Variants in UBE2G1 observed in about 807,000 individuals in gnomAD.
UBE2G1 encodes ubiquitin conjugating enzyme E2 G1, also known as ubiquitin-conjugating enzyme E2 G1.
UBE2G1 carries 5 observed loss-of-function variants against 22.7 expected under a neutral mutation model. That is an observed-to-expected ratio of 0.22 (90% CI 0.12 to 0.46). The LOEUF (loss-of-function observed/expected upper bound fraction) is 0.46, where lower values mean the gene tolerates loss of function less well. Among genes scored for constraint, UBE2G1 ranks in the 20% least tolerant of loss-of-function variants. The probability of loss-of-function intolerance (pLI) is 0.99; values close to 1 mark genes in which losing one functional copy is unlikely to be tolerated. For synonymous variants in UBE2G1, 74 were observed against 67.5 expected, an observed-to-expected ratio of 1.10 and a Z score of -0.47; for missense variants, 88 against 203.9, an observed-to-expected ratio of 0.43 and a Z score of 3.46.
At chr17:4,311,793 T>C (rs935854456) in intron 1 of UBE2G1, among the ~76,000 whole-genome samples, 1 of 152,112 alleles carries the variant, frequency 6.6e-6, no homozygotes, top group African/African-American at 2.4e-5. Flanking sequence ...TGTCAATTCC[T>C]CCCTCCCTGT....
At chr17:4,284,471 C>T (rs2086858699) in intron 4 of UBE2G1, among the ~76,000 whole-genome samples, 1 of 151,728 alleles carries the variant, frequency 6.6e-6, no homozygotes, top group Non-Finnish European at 1.5e-5. Flanking sequence ...CATGGTGGCA[C>T]GTGCCTATAA....
intron 1 of UBE2G1, among the ~76,000 whole-genome samples, chr17:4,351,507 T>A (rs1187866109): frequency 6.6e-6 from 1 of 152,184 alleles, no homozygotes; most frequent in Non-Finnish European, 1.5e-5. Context: ...GGTGTCATCC[T>A]AAGGGAGAGA....
intron 5 of UBE2G1, among the ~76,000 whole-genome samples, chr17:4,275,938 CT>C (rs1238204647): frequency 6.6e-6 from 1 of 152,176 alleles, no homozygotes; most frequent in African/African-American, 2.4e-5. Flanking sequence ...CACCAACTTC[CT>C]TTCTGAGCTC....
chr17:4,358,849 G>A (rs1205547233), intron 1 of UBE2G1, among the ~76,000 whole-genome samples: 1 of 152,112 alleles, frequency 6.6e-6, no homozygotes, highest in South Asian at 2.1e-4. Context: ...TACTCGGGAG[G>A]CTGCAGTGGG....
At chr17:4,361,896 C>G (rs984814125) in intron 1 of UBE2G1, among the ~76,000 whole-genome samples, 2 of 143,280 alleles carry the variant, frequency 1.4e-5, no homozygotes, top group Non-Finnish European at 3.0e-5. Flanking sequence ...TAGCGGAGAT[C>G]GTGCCACTGC....
intron 4 of UBE2G1, among the ~76,000 whole-genome samples, chr17:4,284,747 G>GCCA (rs1412382530): frequency 2.0e-5 from 3 of 150,870 alleles, no homozygotes; most frequent in Admixed American, 2.0e-4. Context: ...CATCCAAATA[G>GCCA]CCATATAGCT....
intron 2 of UBE2G1, among the ~76,000 whole-genome samples, chr17:4,297,903 A>C (rs113124148): frequency 1.2e-3 from 183 of 152,324 alleles, no homozygotes; most frequent in African/African-American, 4.2e-3. Flanking sequence ...TGAGAAATGA[A>C]ATTCTCAGCT....
chr17:4,341,713 T>A (rs1969714709), intron 1 of UBE2G1, among the ~76,000 whole-genome samples: 1 of 152,110 alleles, frequency 6.6e-6, no homozygotes, highest in African/African-American at 2.4e-5. Context: ...CTGCTCTCCT[T>A]CCATTCTCTC....
chr17:4,280,254 C>T (rs1232616938), intron 5 of UBE2G1, among the ~76,000 whole-genome samples: 1 of 147,612 alleles, frequency 6.8e-6, no homozygotes, highest in African/African-American at 2.5e-5. Flanking sequence ...CCAGGCTGGT[C>T]TTGAACTCCC....
chr17:4,321,911 A>G (rs1430226069), intron 1 of UBE2G1, among the ~76,000 whole-genome samples: 2 of 152,220 alleles, frequency 1.3e-5, no homozygotes, highest in South Asian at 4.1e-4. Context: ...TAATTAAAGC[A>G]AAAGTTTGAA....
At chr17:4,312,594 G>A (rs934810006) in intron 1 of UBE2G1, among the ~76,000 whole-genome samples, 2 of 151,298 alleles carry the variant, frequency 1.3e-5, no homozygotes, top group African/African-American at 4.9e-5. Context: ...TACTCGGGAG[G>A]CTGAGGCAGG....
At chr17:4,310,532 C>T (rs1006099450) in intron 1 of UBE2G1, among the ~76,000 whole-genome samples, 2 of 152,112 alleles carry the variant, frequency 1.3e-5, no homozygotes, top group Admixed American at 6.6e-5. Context: ...GTGACTGGAA[C>T]GGCGGGGGGC....
At chr17:4,304,971 T>A (rs544053489) in intron 2 of UBE2G1, among the ~76,000 whole-genome samples, 337 of 150,714 alleles carry the variant, frequency 2.2e-3, no homozygotes, top group African/African-American at 7.8e-3. Context: ...TTTTTTTTTT[T>A]AGATAGAGTT....
chr17:4,340,558 A>G (rs938592722), intron 1 of UBE2G1, among the ~76,000 whole-genome samples: 6 of 152,092 alleles, frequency 3.9e-5, no homozygotes, highest in African/African-American at 1.4e-4. Context: ...ATGGTTTTAT[A>G]AGGTGCTTTT....
chr17:4,314,347 T>C (rs1272958322), intron 1 of UBE2G1, among the ~76,000 whole-genome samples: 3 of 152,216 alleles, frequency 2.0e-5, no homozygotes, highest in South Asian at 2.1e-4. Flanking sequence ...TGGTCAAATA[T>C]GGGACAATTT....
intron 1 of UBE2G1, among the ~76,000 whole-genome samples, chr17:4,307,998 G>A (rs1458508118): frequency 6.6e-6 from 1 of 152,172 alleles, no homozygotes; most frequent in Non-Finnish European, 1.5e-5. Context: ...CAGATCATGT[G>A]AGAAATTTTT....
chr17:4,274,492 T>C (rs1598176244), intron 5 of UBE2G1, among the ~76,000 whole-genome samples: 1 of 152,032 alleles, frequency 6.6e-6, no homozygotes, highest in African/African-American at 2.4e-5. Flanking sequence ...CCACCACGCC[T>C]GGCCAAATTG....
intron 1 of UBE2G1, among the ~76,000 whole-genome samples, chr17:4,323,309 T>G (rs1969465067): frequency 6.6e-6 from 1 of 152,172 alleles, no homozygotes; most frequent in Non-Finnish European, 1.5e-5. Flanking sequence ...GAGCAACCTG[T>G]AAAACAAAAG....
At chr17:4,285,272 A>T (rs1363385562) in intron 4 of UBE2G1, among the ~76,000 whole-genome samples, 2 of 152,200 alleles carry the variant, frequency 1.3e-5, no homozygotes, top group African/African-American at 4.8e-5. Context: ...TAAAGAAAAG[A>T]ACCTAAGTAC....
Sources: gnomAD v4.1 joint callset for allele counts (sites outside exome capture counted in the v4.1 genomes callset) on GRCh38, gnomAD v4.1.1 for gene constraint, MANE v1.5 for transcripts, NCBI Gene and HGNC (gene_info 2026-07-23, HGNC 2026-07-21) for gene names.